Variants in CNTLN observed in about 807,000 individuals in gnomAD.
The protein encoded by CNTLN is centlein.
A neutral mutation model predicts 180.0 loss-of-function variants in CNTLN; 212 were observed. That is an observed-to-expected ratio of 1.18 (90% CI 1.05 to 1.32). The LOEUF is 1.32. Among genes scored for constraint, CNTLN ranks in the 40% most tolerant of loss-of-function variants. The pLI, the probability that CNTLN is intolerant of heterozygous loss-of-function variation, is 0.00. For missense variants in CNTLN, 2,095 were observed against 1,610.9 expected, an observed-to-expected ratio of 1.30 and a Z score of -5.14; for synonymous variants, 722 against 563.1, an observed-to-expected ratio of 1.28 and a Z score of -3.99.
intron 6 of CNTLN, among the ~76,000 whole-genome samples, chr9:17,288,640 T>A (rs1255884433): frequency 1.5e-5 from 2 of 134,636 alleles, no homozygotes; most frequent in Non-Finnish European, 3.1e-5. Context: ...TGTGTGGGAG[T>A]CTAAGTCTCT....
chr9:17,162,511 A>G (rs937791211), intron 2 of CNTLN, among the ~76,000 whole-genome samples: 1 of 152,186 alleles, frequency 6.6e-6, no homozygotes, highest in Non-Finnish European at 1.5e-5. Flanking sequence ...GTTACACACT[A>G]CCTTCACTAG....
chr9:17,271,445 C>T (rs560083833), intron 5 of CNTLN, among the ~76,000 whole-genome samples: 2 of 151,808 alleles, frequency 1.3e-5, no homozygotes, highest in East Asian at 3.9e-4. Context: ...AAATGAAGTT[C>T]TGTTACTTAT....
chr9:17,491,442 A>G (rs1833157152), intron 25 of CNTLN, among the ~76,000 whole-genome samples: 1 of 152,126 alleles, frequency 6.6e-6, no homozygotes, highest in East Asian at 1.9e-4. Flanking sequence ...TAAAATATGT[A>G]TATATGTATA....
Position 17,218,783 on chromosome 9 carries a change from C to G in CNTLN, c.450-7420C>G, listed in dbSNP as rs867997597. On this transcript the variant is annotated intron_variant, in intron 2 of 25. Coordinates refer to ENST00000380647, the MANE Select transcript of CNTLN (RefSeq NM_017738.4). ...TTTTTATTTTGTTTATAAATTCAGACCAATATCACTGCCTCATTTATAGTT... is the reference window on the plus strand; with the variant it reads ...TTTTTATTTTGTTTATAAATTCAGAGCAATATCACTGCCTCATTTATAGTT... 2.0e-4 allele frequency among the ~76,000 whole-genome samples: 30 copies of G among 152,116 alleles called. No individual in the cohort carries two copies. In the Middle Eastern group the frequency reaches 0.014, roughly 69 times the overall value.
chr9:17,466,239 G>T (rs11792227), intron 22 of CNTLN, 121 bp downstream of exon 22: 2 of 758,606 alleles, frequency 2.6e-6, no homozygotes, highest in Non-Finnish European at 4.3e-6. Flanking sequence ...TCAGATAAGT[G>T]CAAAGAGGAT....
chr9:17,467,944 T>C (rs1831842537), intron 23 of CNTLN, among the ~76,000 whole-genome samples: 1 of 151,712 alleles, frequency 6.6e-6, no homozygotes, highest in African/African-American at 2.4e-5. Context: ...TGCATGCGTA[T>C]GTTCATTGCG....
At chr9:17,164,125 A>T (rs1254475031) in intron 2 of CNTLN, among the ~76,000 whole-genome samples, 2 of 151,990 alleles carry the variant, frequency 1.3e-5, no homozygotes, top group Admixed American at 1.3e-4. Flanking sequence ...CAGCCTGTCC[A>T]ACATGGCGAA....
chr9:17,446,097 C>T (rs1427898957), intron 18 of CNTLN, among the ~76,000 whole-genome samples: 1 of 152,174 alleles, frequency 6.6e-6, no homozygotes, highest in Non-Finnish European at 1.5e-5. Context: ...CCTCTCCCCA[C>T]AATTGTCTTG....
At chr9:17,223,298 G>A (rs1824261916) in intron 2 of CNTLN, among the ~76,000 whole-genome samples, 2 of 152,008 alleles carry the variant, frequency 1.3e-5, no homozygotes, top group African/African-American at 4.8e-5. Context: ...GAAACTGAGG[G>A]TAAGGGGGAA....
At chr9:17,463,059 G>C in intron 20 of CNTLN, 46 bp downstream of exon 20, 1 of 1,126,902 alleles carries the variant, frequency 8.9e-7, no homozygotes, top group Non-Finnish European at 1.3e-6. Context: ...GCCACCTAGT[G>C]GCAACCAGCT....
chr9:17,404,424 A>C (rs1827219416), intron 15 of CNTLN, among the ~76,000 whole-genome samples: 1 of 151,672 alleles, frequency 6.6e-6, no homozygotes, highest in Non-Finnish European at 1.5e-5. Flanking sequence ...CGAAGGTAGG[A>C]AAGTTCTTTG....
chr9:17,342,936 T>C (rs1821602011), intron 12 of CNTLN, among the ~76,000 whole-genome samples: 1 of 152,206 alleles, frequency 6.6e-6, no homozygotes, highest in South Asian at 2.1e-4. Context: ...AGCTAATTAC[T>C]GGTAGCAGCA....
intron 13 of CNTLN, among the ~76,000 whole-genome samples, chr9:17,387,016 G>A (rs1825733278): frequency 1.3e-5 from 2 of 152,150 alleles, no homozygotes; most frequent in African/African-American, 4.8e-5. Flanking sequence ...TCCCCAGGTG[G>A]CAAATTCTAC....
chr9:17,284,440 T>A (rs1828854058), intron 6 of CNTLN, among the ~76,000 whole-genome samples: 1 of 152,136 alleles, frequency 6.6e-6, no homozygotes, highest in Non-Finnish European at 1.5e-5. Context: ...CTTCAGAACT[T>A]GTTATTGGTC....
At chr9:17,236,678 A>G in intron 5 of CNTLN, 90 bp downstream of exon 5, 10 of 1,015,378 alleles carry the variant, frequency 9.8e-6, no homozygotes, top group Non-Finnish European at 1.4e-5. Context: ...AACAACTTAT[A>G]TATTCATATC....
At chr9:17,389,737 CATAT>C (rs34205461) in intron 14 of CNTLN, among the ~76,000 whole-genome samples, 123,905 of 151,784 alleles carry the variant, frequency 0.82, 51,056 homozygotes, top group Non-Finnish European at 0.87. Flanking sequence ...AGAAATGAAA[CATAT>C]ATGCAGATTA....
intron 20 of CNTLN, among the ~76,000 whole-genome samples, chr9:17,463,836 C>T (rs942674939): frequency 1.4e-4 from 21 of 151,542 alleles, no homozygotes; most frequent in Non-Finnish European, 2.5e-4. Context: ...TAGGTTCTTA[C>T]GAGGAATAAA....
chr9:17,182,524 C>T (rs1821185399), intron 2 of CNTLN, among the ~76,000 whole-genome samples: 1 of 152,166 alleles, frequency 6.6e-6, no homozygotes, highest in African/African-American at 2.4e-5. Context: ...TACTTCTAAT[C>T]CATTTTCCTG....
chr9:17,352,380 T>A (rs1822437130), intron 12 of CNTLN, among the ~76,000 whole-genome samples: 1 of 142,292 alleles, frequency 7.0e-6, no homozygotes, highest in African/African-American at 2.6e-5. Context: ...CCCAATCTTC[T>A]CAAGCTAGAA....
Sources: allele counts gnomAD v4.1 joint callset (sites outside exome capture counted in the v4.1 genomes callset), GRCh38; gene constraint gnomAD v4.1.1; transcripts MANE v1.5; gene names NCBI Gene and HGNC (gene_info 2026-07-23, HGNC 2026-07-21).